Variants in CDH12 observed in about 807,000 individuals in gnomAD.
CDH12 encodes cadherin 12.
CDH12 carries 41 observed loss-of-function variants against 74.1 expected under a neutral mutation model. The observed-to-expected ratio is 0.55, with a 90% confidence interval of 0.43 to 0.72. The LOEUF (loss-of-function observed/expected upper bound fraction) is 0.72, where lower values mean the gene tolerates loss of function less well. CDH12 is among the 30% of genes least tolerant of loss of function. The probability of loss-of-function intolerance (pLI) is 0.00; values close to 1 mark genes in which losing one functional copy is unlikely to be tolerated. For missense variants in CDH12, 945 were observed against 977.2 expected (o/e 0.97, Z 0.44); for synonymous variants, 399 against 355.0 (o/e 1.12, Z -1.39).
intron 1 of CDH12, among the ~76,000 whole-genome samples, chr5:22,704,342 T>C (rs1471970954): frequency 1.3e-5 from 2 of 152,152 alleles, no homozygotes; most frequent in African/African-American, 4.8e-5. Context: ...AATAGTCCTG[T>C]TTTCTTGTAG....
chr5:22,591,767 TTATC>T (rs1736336986), intron 1 of CDH12, among the ~76,000 whole-genome samples: 2 of 152,306 alleles, frequency 1.3e-5, no homozygotes, highest in African/African-American at 4.8e-5. Context: ...TTGTATATTA[TTATC>T]TATGTGCACA....
chr5:22,349,842 C>A (rs1238187166), intron 3 of CDH12, among the ~76,000 whole-genome samples: 1 of 152,192 alleles, frequency 6.6e-6, no homozygotes, highest in Non-Finnish European at 1.5e-5. Context: ...TCAGGCCATT[C>A]TCCTGCCTCA....
intron 6 of CDH12, among the ~76,000 whole-genome samples, chr5:21,861,491 A>AT (rs1347574312): frequency 6.6e-6 from 1 of 152,058 alleles, no homozygotes; most frequent in African/African-American, 2.4e-5. Flanking sequence ...TTTACATAGT[A>AT]TTTTCATCTG....
rs1008244053 is a variant in CDH12 at position 22,843,657 on chromosome 5, C to T, written c.-523+9401G>A. On this transcript the variant is annotated intron_variant, in intron 1 of 14. Transcript: ENST00000382254. Reference sequence around the variant, plus strand: ...GTGTGTGTGTGTGTGTATGCATACACATGGGTAATAAACATGAAATGTGAA... The same window carrying T: ...GTGTGTGTGTGTGTGTATGCATACATATGGGTAATAAACATGAAATGTGAA... Among the ~76,000 whole-genome samples the T allele has an allele frequency of 3.3e-5, 5 of 150,268 alleles. No individual in the cohort carries two copies. The East Asian group carries it at 9.8e-4, about 29-fold the overall frequency.
chr5:22,790,545 G>A (rs1166175831), intron 1 of CDH12, among the ~76,000 whole-genome samples: 1 of 151,560 alleles, frequency 6.6e-6, no homozygotes, highest in African/African-American at 2.4e-5. Context: ...TGACACATGT[G>A]GAATAAAAAT....
At chr5:22,498,189 C>T (rs1747184433) in intron 2 of CDH12, among the ~76,000 whole-genome samples, 1 of 152,142 alleles carries the variant, frequency 6.6e-6, no homozygotes, top group Non-Finnish European at 1.5e-5. Flanking sequence ...ACCATTTCCC[C>T]TTCTCTGTAC....
At chr5:22,696,379 A>AAAAAAAC (rs1742364590) in intron 1 of CDH12, among the ~76,000 whole-genome samples, 1 of 151,550 alleles carries the variant, frequency 6.6e-6, no homozygotes, top group African/African-American at 2.4e-5. Context: ...TCAAAAAAAA[A>AAAAAAAC]AAAAAAAAAA....
chr5:21,935,238 C>A (rs1010009611), intron 6 of CDH12, among the ~76,000 whole-genome samples: 1 of 151,948 alleles, frequency 6.6e-6, no homozygotes, highest in Non-Finnish European at 1.5e-5. Context: ...AGATCATGGG[C>A]TAATTTTATA....
intron 2 of CDH12, among the ~76,000 whole-genome samples, chr5:22,455,654 G>T (rs1013923200): frequency 6.6e-6 from 1 of 152,146 alleles, no homozygotes; most frequent in Non-Finnish European, 1.5e-5. Context: ...TATAAATCTG[G>T]AAGTGATCAG....
chr5:22,191,148 A>G (rs180905764), intron 4 of CDH12, among the ~76,000 whole-genome samples: 1 of 152,012 alleles, frequency 6.6e-6, no homozygotes, highest in Non-Finnish European at 1.5e-5. Context: ...GTGTTACTAC[A>G]TGGACGCTTC....
chr5:22,620,531 A>AT (rs79808672), intron 1 of CDH12, among the ~76,000 whole-genome samples: 9,973 of 152,126 alleles, frequency 0.066, 433 homozygotes, highest in East Asian at 0.24. Flanking sequence ...CAAAAATACC[A>AT]TTAAAAAATA....
intron 3 of CDH12, among the ~76,000 whole-genome samples, chr5:22,316,701 A>G (rs543185714): frequency 6.6e-6 from 1 of 152,176 alleles, no homozygotes; most frequent in African/African-American, 2.4e-5. Context: ...TTATGTTGTT[A>G]TTTTTACATA....
At chr5:22,256,445 T>A (rs751264414) in intron 3 of CDH12, among the ~76,000 whole-genome samples, 2 of 152,192 alleles carry the variant, frequency 1.3e-5, no homozygotes, top group African/African-American at 2.4e-5. Context: ...GCACATGCAA[T>A]TATGTACAGC....
chr5:22,460,646 T>C (rs950748282), intron 2 of CDH12, among the ~76,000 whole-genome samples: 1 of 151,594 alleles, frequency 6.6e-6, no homozygotes, highest in Non-Finnish European at 1.5e-5. Flanking sequence ...GCAAATGTTA[T>C]AATCTTTTGG....
At chr5:22,580,129 T>C (rs1651836547) in intron 1 of CDH12, 1 of 256,960 alleles carries the variant, frequency 3.9e-6, no homozygotes, top group African/African-American at 2.2e-5. Context: ...TAGGACCTCA[T>C]ACCATTTTCC....
intron 3 of CDH12, among the ~76,000 whole-genome samples, chr5:22,348,367 A>C (rs967947580): frequency 6.6e-6 from 1 of 152,208 alleles, no homozygotes; most frequent in Non-Finnish European, 1.5e-5. Flanking sequence ...TTTATTTTGA[A>C]TGTCGGAATT....
chr5:21,872,293 C>G (rs1751664109), intron 6 of CDH12, among the ~76,000 whole-genome samples: 1 of 151,688 alleles, frequency 6.6e-6, no homozygotes, highest in Admixed American at 6.6e-5. Flanking sequence ...CTAAATATTT[C>G]AGACTATACA....
At chr5:22,614,052 T>C (rs981924174) in intron 1 of CDH12, among the ~76,000 whole-genome samples, 13 of 152,128 alleles carry the variant, frequency 8.5e-5, no homozygotes, top group Non-Finnish European at 1.6e-4. Context: ...TTTTTTAAAG[T>C]ACAAAATTTA....
chr5:21,968,505 G>A (rs1045994367), intron 6 of CDH12, among the ~76,000 whole-genome samples: 8 of 152,124 alleles, frequency 5.3e-5, no homozygotes, highest in African/African-American at 1.9e-4. Flanking sequence ...AACTCAAAAG[G>A]CAGAACGAAG....
Sources: gnomAD v4.1 joint callset for allele counts (sites outside exome capture counted in the v4.1 genomes callset) on GRCh38, gnomAD v4.1.1 for gene constraint, MANE v1.5 for transcripts, NCBI Gene and HGNC (gene_info 2026-07-23, HGNC 2026-07-21) for gene names.